COL18A1: variants seen among roughly 807,000 people sequenced by gnomAD.
The protein encoded by COL18A1 is collagen alpha-1(XVIII) chain.
In COL18A1, 133 loss-of-function variants were observed where a neutral mutation model predicts 168.0. The ratio of observed to expected loss-of-function variants is 0.79; its 90% CI spans 0.69 to 0.91. The LOEUF (loss-of-function observed/expected upper bound fraction) is 0.91, where lower values mean the gene tolerates loss of function less well. Ranked by LOEUF, COL18A1 falls within the 40% of genes least tolerant of loss-of-function variation. The pLI is 0.00. For synonymous variants in COL18A1, 949 were observed against 809.0 expected, an observed-to-expected ratio of 1.17 and a Z score of -2.94; for missense variants, 2,126 against 1,925.4, an observed-to-expected ratio of 1.10 and a Z score of -1.95.
intron 38 of COL18A1, among the ~76,000 whole-genome samples, chr21:45,507,937 G>GGCCC (rs2037321364): frequency 6.6e-6 from 1 of 152,250 alleles, no homozygotes; most frequent in South Asian, 2.1e-4. Flanking sequence ...CAAAGTGCCA[G>GGCCC]ACACAAGAAT....
intron 19 of COL18A1, 100 bp from the exon 20 acceptor site, chr21:45,490,175 G>A (rs1040070614): frequency 1.6e-5 from 15 of 950,888 alleles, no homozygotes; most frequent in Middle Eastern, 3.1e-4. Context: ...GAGAAGTCCA[G>A]GCCATCGCCA....
chr21:45,422,073 CAT>C (rs2033641538), intron 2 of COL18A1, among the ~76,000 whole-genome samples: 1 of 152,128 alleles, frequency 6.6e-6, no homozygotes, highest in South Asian at 2.1e-4. Flanking sequence ...CACAGGTTCA[CAT>C]ATACACAGCT....
chr21:45,460,147 C>T (rs1416541226), intron 2 of COL18A1, among the ~76,000 whole-genome samples: 1 of 152,216 alleles, frequency 6.6e-6, no homozygotes, highest in Non-Finnish European at 1.5e-5. Flanking sequence ...GGCCCAGCAG[C>T]CTGGCCCCAG....
At chr21:45,451,716 C>G (rs139403828) in intron 2 of COL18A1, among the ~76,000 whole-genome samples, 2 of 152,282 alleles carry the variant, frequency 1.3e-5, no homozygotes, top group African/African-American at 4.8e-5. Context: ...CTGGGAAGGT[C>G]GATCTCAGGC....
At chr21:45,456,468 G>C in intron 2 of COL18A1, 6 of 1,545,722 alleles carry the variant, frequency 3.9e-6, no homozygotes, top group Non-Finnish European at 5.3e-6. Context: ...AACTCTGTGG[G>C]GCCGGGTCTT....
In COL18A1 at chr21:45,427,593, G is replaced by A. The variant is rs181203469; in HGVS notation, c.106+22120G>A. Among the ~76,000 whole-genome samples, 165 of 152,344 alleles carry A rather than the reference G, an allele frequency of 1.1e-3. 2 individuals are homozygous for A. Among genetic ancestry groups the A allele is most frequent in the African/African-American group, 3.8e-3 (160 of 41,588 alleles). ...TGTGTCTGGACACACCAGCACCACG[G>A]CGGGCGGGGAGCGGAATTCTCCAGG... On this transcript the variant is annotated intron_variant, in intron 2 of 41. Transcript: ENST00000651438.
Position 45,498,072 on chromosome 21 carries a change from G to T in COL18A1, c.2683+411G>T. 1 of 607,718 alleles carries T rather than the reference G, an allele frequency of 1.6e-6. No homozygotes were observed. The highest frequency in any genetic ancestry group is 2.0e-5 in the South Asian group (1 of 50,622). 37.6% of individuals were successfully genotyped at this position (607,718 alleles called of 1,614,324 possible). Reference sequence around the variant, plus strand: ...TGTGGGAAGGAGGCGTTGCCCGACAGGCCGTCTGGAGGGTGAGCCCAGCAC... The same window carrying T: ...TGTGGGAAGGAGGCGTTGCCCGACATGCCGTCTGGAGGGTGAGCCCAGCAC... On this transcript the variant is annotated intron_variant, in intron 32 of 41. Coordinates refer to ENST00000651438, the MANE Select transcript of COL18A1 (RefSeq NM_001379500.1). This position sits in a 1 kb window ranked among gnomAD's most constrained non-coding sequence, Gnocchi z 4.5.
intron 30 of COL18A1, 150 bp downstream of exon 30, chr21:45,496,718 A>T (rs565740877): frequency 2.7e-5 from 19 of 699,310 alleles, no homozygotes; most frequent in Admixed American, 2.1e-4. Flanking sequence ...TTAGCAGCTG[A>T]GTTCCCACGG....
At chr21:45,487,331 A>C (rs951407536) in intron 16 of COL18A1, 116 bp from the exon 17 acceptor site, 1 of 1,236,272 alleles carries the variant, frequency 8.1e-7, no homozygotes. Context: ...GCGGCTCCCC[A>C]GGCCACCGTG....
rs1380155473 is a variant in COL18A1 at position 45,507,271 on chromosome 21, G to C, written c.3217-290G>C. 85 of 512,862 alleles carry C rather than the reference G, an allele frequency of 1.7e-4. 2 individuals carry two copies. In the East Asian group the frequency reaches 2.7e-3, roughly 16 times the overall value. The allele number at this position is 512,862 out of a possible 1,614,324, so 31.8% of individuals were successfully genotyped here. A position where few individuals can be genotyped will look rare whatever the true frequency, so the allele number is the denominator to read the frequency against. ...GGGTGCTGGGCAGGGAGGGCAACCT[G>C]CTGTGGACTGGGAGGGCCGGGTGCT... is the stretch of plus-strand genomic sequence containing the variant. On this transcript the variant is annotated intron_variant, in intron 37 of 41. Transcript: ENST00000651438.
chr21:45,478,278 C>T (rs746967260), intron 8 of COL18A1, 49 bp from the exon 9 acceptor site: 12 of 1,612,366 alleles, frequency 7.4e-6, no homozygotes, highest in South Asian at 4.4e-5. Flanking sequence ...CTGTAGGTGG[C>T]GCCGGAGGAG....
chr21:45,468,713 G>C lies in COL18A1; in HGVS notation c.578G>C (p.Arg193Pro), dbSNP rs2236453. 4 of 1,612,636 alleles carry C rather than the reference G, an allele frequency of 2.5e-6. No individual in the cohort carries two copies. The highest frequency in any genetic ancestry group is 3.4e-6 in the Non-Finnish European group (4 of 1,179,944). Residue 193 changes from arginine to proline, a missense_variant, in exon 3 of 42, where the codon CGG becomes CCG. Physicochemically the swap from Arg to Pro is moderately radical, Grantham distance 103. Coordinates refer to ENST00000651438, the MANE Select transcript of COL18A1 (RefSeq NM_001379500.1). ...AGAATGCCGCTTGCTCGGTCCTCAC[G>C]GGGCCTGGAGCTGGAGCCTGGCGCC... is the stretch of plus-strand genomic sequence containing the variant. The part of the protein sequence containing the change: ...FQRMPLARSS[R>P]GLELEPGAGL...
chr21:45,481,874 A>G, intron 13 of COL18A1, 89 bp from the exon 14 acceptor site: 1 of 925,456 alleles, frequency 1.1e-6, no homozygotes, highest in Non-Finnish European at 1.8e-6. Context: ...CCTTCTGGAA[A>G]CCTGCGGAAG....
chr21:45,465,809 G>A (rs1053354289), intron 2 of COL18A1, among the ~76,000 whole-genome samples: 8 of 152,220 alleles, frequency 5.3e-5, no homozygotes, highest in Non-Finnish European at 7.3e-5. Flanking sequence ...GAGCACAGGC[G>A]GGCGTCCGTG....
At chr21:45,499,683 T>C (rs1169899440) in intron 32 of COL18A1, among the ~76,000 whole-genome samples, 1 of 152,126 alleles carries the variant, frequency 6.6e-6, no homozygotes, top group Non-Finnish European at 1.5e-5. Context: ...GTTCCCGTGG[T>C]CTCAGCGCCC....
rs532249970 is a variant in COL18A1, at chr21:45,509,118, C to T, written c.3250-238C>T. Among the ~76,000 whole-genome samples the T allele has an allele frequency of 3.3e-5, 5 of 152,222 alleles. No individual in the cohort carries two copies. In the South Asian group the frequency reaches 1.0e-3, roughly 32 times the overall value. ...GTGAGTGATTGCTGCGGCTTCTGAGCACGGCTGGGTCTGTGGGGCCTGAGC... is the reference window on the plus strand; with the variant it reads ...GTGAGTGATTGCTGCGGCTTCTGAGTACGGCTGGGTCTGTGGGGCCTGAGC... On this transcript the variant is annotated intron_variant, in intron 38 of 41. Coordinates refer to ENST00000651438, the MANE Select transcript of COL18A1 (RefSeq NM_001379500.1).
chr21:45,418,654 G>A (rs1485213447), intron 2 of COL18A1, among the ~76,000 whole-genome samples: 1 of 44,450 alleles, frequency 2.2e-5, no homozygotes, highest in Middle Eastern at 0.019. Context: ...GCCCTCCTTG[G>A]CTCACATCTC....
intron 15 of COL18A1, 57 bp downstream of exon 15, chr21:45,482,878 C>T (rs920117997): frequency 6.2e-6 from 10 of 1,613,612 alleles, no homozygotes; most frequent in African/African-American, 4.0e-5. Context: ...ACTCAGTGCT[C>T]GGACCCCCAA....
intron 19 of COL18A1, among the ~76,000 whole-genome samples, chr21:45,489,734 G>A (rs1325121519): frequency 6.6e-6 from 1 of 151,074 alleles, no homozygotes; most frequent in Non-Finnish European, 1.5e-5. Flanking sequence ...GTTTGACTGC[G>A]TCAGGAACAT....
Sources: gnomAD v4.1 joint callset for allele counts (sites outside exome capture counted in the v4.1 genomes callset) on GRCh38, gnomAD v4.1.1 for gene constraint, Gnocchi (gnomAD v3.1) non-coding constraint, MANE v1.5 for transcripts, NCBI Gene and HGNC (gene_info 2026-07-23, HGNC 2026-07-21) for gene names.